ITGB8: variants seen among roughly 807,000 people sequenced by gnomAD.
ITGB8 encodes integrin beta-8.
A neutral mutation model predicts 89.5 loss-of-function variants in ITGB8; 30 were observed. That is an observed-to-expected ratio of 0.34 (90% CI 0.25 to 0.45). The LOEUF is 0.45. ITGB8 is among the 20% of genes least tolerant of loss of function. The pLI is 1.00. For missense variants in ITGB8, 836 were observed against 933.3 expected (o/e 0.90, Z 1.36); for synonymous variants, 335 against 320.4 (o/e 1.05, Z -0.49).
intron 8 of ITGB8, 78 bp downstream of exon 8, chr7:20,395,063 G>C: frequency 1.3e-6 from 1 of 790,842 alleles, no homozygotes; most frequent in South Asian, 1.6e-5. Context: ...GTAGTGCCAT[G>C]TCATCTCGAG....
chr7:20,408,940 G>C (rs1016671506), intron 12 of ITGB8, among the ~76,000 whole-genome samples: 1 of 152,166 alleles, frequency 6.6e-6, no homozygotes, highest in Non-Finnish European at 1.5e-5. Context: ...AATAGGTGTA[G>C]TTAACAGACT....
chr7:20,393,950 G>A (rs1786967351), intron 7 of ITGB8, among the ~76,000 whole-genome samples: 1 of 152,190 alleles, frequency 6.6e-6, no homozygotes. Flanking sequence ...GTTTAGTGAA[G>A]AAATTGTCAT....
rs11286671 is a variant in ITGB8 at position 20,397,228 on chromosome 7, C to CT, written c.1147-1617dup. 3.6e-3 allele frequency among the ~76,000 whole-genome samples: 526 copies of CT among 144,242 alleles called. 4 individuals are homozygous for CT. The highest frequency in any genetic ancestry group is 0.011 in the African/African-American group (444 of 39,112). 94.6% of individuals were successfully genotyped at this position (144,242 alleles called of 152,430 possible). A position where few individuals can be genotyped will look rare whatever the true frequency, so the allele number is the denominator to read the frequency against. On this transcript the variant is annotated intron_variant, in intron 8 of 13. Transcript: ENST00000222573. ...TAGCTAAGATCTTTTCCTTTTCTTT[C>CT]TTTTTTTTTTTTTTTAGATGGAATT...
At chr7:20,369,463 G>A (rs1785841864) in intron 3 of ITGB8, among the ~76,000 whole-genome samples, 1 of 152,126 alleles carries the variant, frequency 6.6e-6, no homozygotes, top group African/African-American at 2.4e-5. Context: ...GCAAAAGAGT[G>A]AGAGAGTGAA....
chr7:20,387,411 A>C (rs1786669501), intron 6 of ITGB8, among the ~76,000 whole-genome samples: 1 of 152,192 alleles, frequency 6.6e-6, no homozygotes, highest in Non-Finnish European at 1.5e-5. Context: ...TGAGTGGTAG[A>C]TACTAGTGTT....
At chr7:20,386,405 A>ATTTTTTTTTTT (rs759304002) in intron 6 of ITGB8, among the ~76,000 whole-genome samples, 7 of 80,358 alleles carry the variant, frequency 8.7e-5, no homozygotes, top group African/African-American at 1.1e-4. Flanking sequence ...CACCTGGCTA[A>ATTTTTTTTTTT]TTTTTTTTTT....
intron 7 of ITGB8, among the ~76,000 whole-genome samples, chr7:20,393,875 G>T (rs1373263832): frequency 6.6e-6 from 1 of 152,084 alleles, no homozygotes; most frequent in Non-Finnish European, 1.5e-5. Flanking sequence ...TCAAATGCTG[G>T]CCAGGTATCC....
At chr7:20,340,616 A>C (rs950916066) in intron 1 of ITGB8, among the ~76,000 whole-genome samples, 2 of 152,222 alleles carry the variant, frequency 1.3e-5, no homozygotes. Flanking sequence ...CTGCTGTTTC[A>C]TGTGTACATG....
Position 20,410,350 on chromosome 7 carries a change from G to C in ITGB8, c.*353G>C, listed in dbSNP as rs1241909165. On this transcript the variant is annotated 3_prime_UTR_variant, in exon 14 of 14. Transcript: ENST00000222573. ...CTTCCCAGAGAGAACAATGCTGTGAGAGAGTTTAGCATTGTGTCACTACAA... is the reference window on the plus strand; with the variant it reads ...CTTCCCAGAGAGAACAATGCTGTGACAGAGTTTAGCATTGTGTCACTACAA... The C allele has an allele frequency of 4.5e-6, 1 of 224,604 alleles. No individual in the cohort carries two copies. The highest frequency in any genetic ancestry group is 8.7e-6 in the Non-Finnish European group (1 of 114,492). 13.9% of individuals were successfully genotyped at this position (224,604 alleles called of 1,614,324 possible). A position where few individuals can be genotyped will look rare whatever the true frequency, so the allele number is the denominator to read the frequency against.
chr7:20,387,843 C>G (rs1299790700), intron 6 of ITGB8, among the ~76,000 whole-genome samples: 1 of 152,196 alleles, frequency 6.6e-6, no homozygotes, highest in Non-Finnish European at 1.5e-5. Context: ...ACTGACACAT[C>G]ATTGAAAGTT....
upstream of ITGB8, chr7:20,330,603 A>C (rs1054494555): frequency 6.6e-6 from 1 of 152,364 alleles, no homozygotes; most frequent in Admixed American, 6.5e-5. Flanking sequence ...GGGAAAAGAA[A>C]GAGCTGGAGT....
At chr7:20,362,970 T>C (rs1389641715) in intron 1 of ITGB8, among the ~76,000 whole-genome samples, 1 of 152,222 alleles carries the variant, frequency 6.6e-6, no homozygotes, top group Non-Finnish European at 1.5e-5. Context: ...TTGGTCATGA[T>C]CTTAGATCTT....
chr7:20,401,332 G>C (rs1787303126), intron 9 of ITGB8, among the ~76,000 whole-genome samples: 1 of 152,068 alleles, frequency 6.6e-6, no homozygotes, highest in South Asian at 2.1e-4. Context: ...TGGTTTATGT[G>C]ATCTATCTCT....
rs990845631 is a variant in ITGB8, at chr7:20,413,656, T to G, written c.*3659T>G. On this transcript the variant is annotated 3_prime_UTR_variant, in exon 14 of 14. Transcript: ENST00000222573. Reference sequence around the variant, plus strand: ...GTTCTTCATTTCCAGACATCTTTAATTGATCTTAAAGCTCATTTGAGTCTT... The same window carrying G: ...GTTCTTCATTTCCAGACATCTTTAAGTGATCTTAAAGCTCATTTGAGTCTT... 1 of 152,096 alleles carries G rather than the reference T, an allele frequency of 6.6e-6. No homozygotes were observed. Among genetic ancestry groups the G allele is most frequent in the East Asian group, 1.9e-4 (1 of 5,198 alleles). The allele number at this position is 152,096 out of a possible 1,614,324, so 9.4% of individuals were successfully genotyped here.
chr7:20,352,601 T>G (rs1785148655), intron 1 of ITGB8: 1 of 152,254 alleles, frequency 6.6e-6, no homozygotes, highest in Non-Finnish European at 1.5e-5. Flanking sequence ...TTTCTGCATT[T>G]CGCCTATCCT....
rs1156263644 is a variant in ITGB8, at chr7:20,414,528, G to A, written c.*4531G>A. ...AAAAATATTACATGGAACTGTCATAGTTAGGTTTTGCAGCATCTTACATGT... is the reference window on the plus strand; with the variant it reads ...AAAAATATTACATGGAACTGTCATAATTAGGTTTTGCAGCATCTTACATGT... On this transcript the variant is annotated 3_prime_UTR_variant, in exon 14 of 14. Coordinates refer to ENST00000222573, the MANE Select transcript of ITGB8 (RefSeq NM_002214.3). 1 of 152,432 alleles carries A rather than the reference G, an allele frequency of 6.6e-6. No individual in the cohort carries two copies. Among genetic ancestry groups the A allele is most frequent in the Non-Finnish European group, 1.5e-5 (1 of 67,950 alleles). The allele number at this position is 152,432 out of a possible 1,614,324, so 9.4% of individuals were successfully genotyped here.
At position 20,412,544 on chromosome 7, in the gene ITGB8, A is replaced by G. The variant is rs1248955673; in HGVS notation, c.*2547A>G. On this transcript the variant is annotated 3_prime_UTR_variant, in exon 14 of 14. Coordinates refer to ENST00000222573, the MANE Select transcript of ITGB8 (RefSeq NM_002214.3). ...AAATCCTTAAAAATCCAGAGTTTATATTTTTTTTATACCCTCACTTGTTTG... is the reference window on the plus strand; with the variant it reads ...AAATCCTTAAAAATCCAGAGTTTATGTTTTTTTTATACCCTCACTTGTTTG... 1 of 152,410 alleles carries G rather than the reference A, an allele frequency of 6.6e-6. No individual in the cohort carries two copies. The highest frequency in any genetic ancestry group is 1.5e-5 in the Non-Finnish European group (1 of 67,952). The allele number at this position is 152,410 out of a possible 1,614,324, so 9.4% of individuals were successfully genotyped here.
At position 20,410,378 on chromosome 7, in the gene ITGB8, G is replaced by T. The variant is rs1787717322; in HGVS notation, c.*381G>T. ...AGTTTAGCATTGTGTCACTACAAGG[G>T]TACAGTAATCCCTGCACTGGACATG... On this transcript the variant is annotated 3_prime_UTR_variant, in exon 14 of 14. Transcript: ENST00000222573. The T allele has an allele frequency of 5.3e-6, 1 of 188,156 alleles. No homozygotes were observed. Among genetic ancestry groups the T allele is most frequent in the Admixed American group, 5.8e-5 (1 of 17,116 alleles). The allele number at this position is 188,156 out of a possible 1,614,324, so 11.7% of individuals were successfully genotyped here.
intron 1 of ITGB8, among the ~76,000 whole-genome samples, chr7:20,355,076 T>C (rs1415285556): frequency 6.6e-6 from 1 of 152,190 alleles, no homozygotes; most frequent in Non-Finnish European, 1.5e-5. Flanking sequence ...GGCTCACAGT[T>C]GTCACTTTCT....
Sources: gnomAD v4.1 joint callset for allele counts (sites outside exome capture counted in the v4.1 genomes callset) on GRCh38, gnomAD v4.1.1 for gene constraint, MANE v1.5 for transcripts, NCBI Gene and HGNC (gene_info 2026-07-23, HGNC 2026-07-21) for gene names.